Variants in TPRG1 observed in about 807,000 individuals in gnomAD.
TPRG1 encodes tumor protein p63-regulated gene 1 protein.
A neutral mutation model predicts 29.3 loss-of-function variants in TPRG1; 29 were observed. The ratio of observed to expected loss-of-function variants is 0.99; its 90% CI spans 0.74 to 1.35. TPRG1 has a LOEUF of 1.35. Ranked by LOEUF, TPRG1 falls within the 40% of genes most tolerant of loss-of-function variation. The pLI, the probability that TPRG1 is intolerant of heterozygous loss-of-function variation, is 0.00. For missense variants in TPRG1, 327 were observed against 335.0 expected (o/e 0.98, Z 0.19); for synonymous variants, 130 against 116.8 (o/e 1.11, Z -0.73).
chr3:189,069,859 CACGA>C (rs200002058), intron 4 of TPRG1, among the ~76,000 whole-genome samples: 2,113 of 152,220 alleles, frequency 0.014, 42 homozygotes, highest in African/African-American at 0.048. Flanking sequence ...GTAATACCAG[CACGA>C]GGTCAAGAGA....
intron 1 of TPRG1, among the ~76,000 whole-genome samples, chr3:189,201,275 A>C (rs1163221509): frequency 6.6e-6 from 1 of 152,236 alleles, no homozygotes; most frequent in Non-Finnish European, 1.5e-5. Context: ...GGGTTCACAG[A>C]GATAGCAATG....
Position 189,320,939 on chromosome 3 carries a change from T to C in TPRG1, c.*119T>C. On this transcript the variant is annotated 3_prime_UTR_variant, in exon 6 of 6. Transcript: ENST00000345063. Reference sequence around the variant, plus strand: ...TTATTTTTAAATGACGCTTTATGATTTAGAAATTTAGTATTTCCGAAAATT... The same window carrying C: ...TTATTTTTAAATGACGCTTTATGATCTAGAAATTTAGTATTTCCGAAAATT... 2.0e-6 allele frequency: 2 copies of C among 982,582 alleles called. No homozygotes were observed. The highest frequency in any genetic ancestry group is 2.8e-6 in the Non-Finnish European group (2 of 702,154). 60.9% of individuals were successfully genotyped at this position (982,582 alleles called of 1,614,324 possible).
At chr3:189,103,654 C>G (rs1284734984) in intron 1 of TPRG1, among the ~76,000 whole-genome samples, 2 of 152,100 alleles carry the variant, frequency 1.3e-5, no homozygotes, top group Non-Finnish European at 2.9e-5. Flanking sequence ...CCCCCAAAAG[C>G]CAAGCTCACA....
chr3:189,176,405 TTG>T (rs1333955458), intron 1 of TPRG1, among the ~76,000 whole-genome samples: 1 of 152,168 alleles, frequency 6.6e-6, no homozygotes, highest in Non-Finnish European at 1.5e-5. Flanking sequence ...GGGAAGAAAA[TTG>T]TGTCTTTTCT....
chr3:189,161,474 AT>A lies in TPRG1; in HGVS notation c.-10+10604del, dbSNP rs573750819. Among the ~76,000 whole-genome samples the A allele has an allele frequency of 9.5e-3, 386 of 40,576 alleles. 4 individuals carry two copies. In the African/African-American group the frequency reaches 0.12, roughly 12 times the overall value. The allele number at this position is 40,576 out of a possible 152,430, so 26.6% of individuals were successfully genotyped here. On this transcript the variant is annotated intron_variant, in intron 5 of 6. Transcript: ENST00000412373. ...AATAAGTAGTAGGTTCTTTTTTTTTATTATTATTATTCTTGTCCACATTGCC... is the reference window on the plus strand; with the variant it reads ...AATAAGTAGTAGGTTCTTTTTTTTTATATTATTATTCTTGTCCACATTGCC...
chr3:188,999,595 A>G (rs1711936354), intron 1 of TPRG1, among the ~76,000 whole-genome samples: 1 of 152,188 alleles, frequency 6.6e-6, no homozygotes, highest in South Asian at 2.1e-4. Context: ...TGAGGAGAAT[A>G]AGTAATACAC....
intron 1 of TPRG1, among the ~76,000 whole-genome samples, chr3:189,172,805 G>A (rs770048967): frequency 3.3e-5 from 5 of 152,146 alleles, no homozygotes; most frequent in Admixed American, 1.3e-4. Context: ...ACTACTTGGC[G>A]CCTGAGACAT....
rs1258930501 is a variant in TPRG1 at position 189,139,701 on chromosome 3, G to A, written c.-291+7004G>A. ...TTTTTTTCAAAAAAAAATGTTAGTC[G>A]TACTCCCCCACATCTCGCTAACTTT... On this transcript the variant is annotated intron_variant, in intron 3 of 6. Transcript: ENST00000412373. 4.1e-5 allele frequency among the ~76,000 whole-genome samples: 6 copies of A among 145,726 alleles called. No homozygotes were observed. In the South Asian group the frequency reaches 6.4e-4, roughly 16 times the overall value.
At chr3:189,287,187 G>A (rs914644549) in intron 4 of TPRG1, among the ~76,000 whole-genome samples, 1 of 152,100 alleles carries the variant, frequency 6.6e-6, no homozygotes, top group South Asian at 2.1e-4. Context: ...AGGGAAAAGA[G>A]AGGAGGCAAA....
intron 4 of TPRG1, among the ~76,000 whole-genome samples, chr3:189,264,243 T>G (rs1713646428): frequency 6.6e-6 from 1 of 152,202 alleles, no homozygotes; most frequent in African/African-American, 2.4e-5. Context: ...AACCAAGATT[T>G]TATAACCTTC....
chr3:189,179,429 T>C (rs1428434470), intron 1 of TPRG1, among the ~76,000 whole-genome samples: 1 of 152,202 alleles, frequency 6.6e-6, no homozygotes, highest in Non-Finnish European at 1.5e-5. Context: ...CCACAGATTG[T>C]ACTGAATACT....
intron 4 of TPRG1, among the ~76,000 whole-genome samples, chr3:189,266,117 G>A (rs76559864): frequency 0.029 from 4,463 of 152,148 alleles, 219 homozygotes; most frequent in African/African-American, 0.1. Flanking sequence ...CTTTGCTACC[G>A]AATTATTTGG....
intron 5 of TPRG1, among the ~76,000 whole-genome samples, chr3:189,156,529 G>T (rs775982447): frequency 1.3e-5 from 2 of 152,170 alleles, no homozygotes; most frequent in Non-Finnish European, 2.9e-5. Context: ...GCAACTGGAA[G>T]GATGGAGTGC....
At chr3:189,064,334 A>G (rs963831006) in intron 4 of TPRG1, among the ~76,000 whole-genome samples, 11 of 152,162 alleles carry the variant, frequency 7.2e-5, no homozygotes, top group Admixed American at 3.9e-4. Flanking sequence ...TCAATTCCCA[A>G]GAACTGTTTA....
At chr3:189,018,142 A>G (rs1249366735) in intron 3 of TPRG1, among the ~76,000 whole-genome samples, 36 of 152,046 alleles carry the variant, frequency 2.4e-4, no homozygotes, top group Non-Finnish European at 4.7e-4. Flanking sequence ...CCTTTGTCAG[A>G]TGAGTAGGTT....
rs538538899 is a variant in TPRG1, at chr3:189,090,752, C to T, written c.-462-36305C>T. Among the ~76,000 whole-genome samples, 17 of 151,916 alleles carry T rather than the reference C, an allele frequency of 1.1e-4. 1 individual carries two copies. In the South Asian group the frequency reaches 2.7e-3, roughly 24 times the overall value. On this transcript the variant is annotated intron_variant, in intron 4 of 10. Coordinates refer to the TPRG1 transcript ENST00000433971. Reference sequence around the variant, plus strand: ...TTTAATGTTTTCATTTTTATCTTTTCTGGATCTTTCTGTTTTAGGTATATC... The same window carrying T: ...TTTAATGTTTTCATTTTTATCTTTTTTGGATCTTTCTGTTTTAGGTATATC...
chr3:189,129,310 G>C lies in TPRG1; in HGVS notation c.-590+2100G>C, dbSNP rs372247276. Among the ~76,000 whole-genome samples the C allele has an allele frequency of 3.4e-4, 51 of 152,198 alleles. No homozygotes were observed. The South Asian group carries it at 8.7e-3, about 26-fold the overall frequency. On this transcript the variant is annotated intron_variant, in intron 2 of 6. Transcript: ENST00000412373. The stretch of plus-strand genomic sequence containing the variant: ...AATGTCCTTCAATTTTGGTTTTTCT[G>C]ATCTTTTCTTGGGACTATACTGAAG...
rs147657503 is a variant in TPRG1, at chr3:189,047,539, C to G, written c.-463+23593C>G. Among the ~76,000 whole-genome samples, 355 of 152,200 alleles carry G rather than the reference C, an allele frequency of 2.3e-3. 2 individuals are homozygous for G. Among genetic ancestry groups the G allele is most frequent in the African/African-American group, 8.3e-3 (346 of 41,518 alleles). On this transcript the variant is annotated intron_variant, in intron 4 of 10. Transcript: ENST00000433971. ...GTATCAATTCCTTAAAATAAGACAG[C>G]AATAAAGTTTGCCACATCAATTGAC...
rs557093380 is a variant in TPRG1 at position 189,316,654 on chromosome 3, TC to T, written c.634-3966del. 2.4e-4 allele frequency among the ~76,000 whole-genome samples: 36 copies of T among 152,016 alleles called. No individual in the cohort carries two copies. The East Asian group carries it at 5.6e-3, about 24-fold the overall frequency. On this transcript the variant is annotated intron_variant, in intron 5 of 5. Transcript: ENST00000345063. ...GTGGAAAGTCAAGAATAATACGATG[TC>T]CCCCCTGTCCCCACCACGCACACTG...
Sources: allele counts gnomAD v4.1 joint callset (sites outside exome capture counted in the v4.1 genomes callset), GRCh38; gene constraint gnomAD v4.1.1; transcripts MANE v1.5; gene names NCBI Gene and HGNC (gene_info 2026-07-23, HGNC 2026-07-21).